ITPR3: variants seen among roughly 807,000 people sequenced by gnomAD.
The protein encoded by ITPR3 is inositol 1,4,5-trisphosphate-gated calcium channel ITPR3.
Under a neutral mutation model 293.2 loss-of-function variants are expected in ITPR3, and 173 were observed. The ratio of observed to expected loss-of-function variants is 0.59; its 90% CI spans 0.52 to 0.67. The LOEUF (loss-of-function observed/expected upper bound fraction) is 0.67. Among genes scored for constraint, ITPR3 ranks in the 30% least tolerant of loss-of-function variants. The probability of loss-of-function intolerance (pLI) is 0.00; values close to 1 mark genes in which losing one functional copy is unlikely to be tolerated. For synonymous variants in ITPR3, 1,295 were observed against 1,444.4 expected (o/e 0.90, Z 2.35); for missense variants, 2,796 against 3,592.1 (o/e 0.78, Z 5.66).
chr6:33,694,689 GCTGCCTAACGGA>G, intron 56 of ITPR3: 5 of 544,790 alleles, frequency 9.2e-6, no homozygotes, highest in Admixed American at 3.2e-5. Context: ...AGCTGCCGAC[GCTGCCTAACGGA>G]AGTCAGCCTG....
Position 33,623,971 on chromosome 6 carries a change from A to T in ITPR3, c.89+2280A>T, listed in dbSNP as rs112596729. 8.5e-3 allele frequency among the ~76,000 whole-genome samples: 1,301 copies of T among 152,310 alleles called. 20 individuals carry two copies. The highest frequency in any genetic ancestry group is 0.028 in the African/African-American group (1,157 of 41,564). ...GGCTTTTTCACCTTCCCATACCTGGAACTCCAGGTGCACCACACGACTGCA... is the reference window on the plus strand; with the variant it reads ...GGCTTTTTCACCTTCCCATACCTGGTACTCCAGGTGCACCACACGACTGCA... On this transcript the variant is annotated intron_variant, in intron 1 of 57. Transcript: ENST00000605930.
At chr6:33,657,809 G>C in intron 3 of ITPR3, 123 bp from the exon 4 acceptor site, 2 of 746,636 alleles carry the variant, frequency 2.7e-6, no homozygotes, top group South Asian at 3.1e-5. Context: ...CTGGAGTCCA[G>C]GGTGACTGTG....
chr6:33,632,653 G>A lies in ITPR3; in HGVS notation c.90-7831G>A, dbSNP rs564781628. Among the ~76,000 whole-genome samples, 14 of 152,374 alleles carry A rather than the reference G, an allele frequency of 9.2e-5. No homozygotes were observed. In the South Asian group the frequency reaches 2.7e-3, roughly 29 times the overall value. On this transcript the variant is annotated intron_variant, in intron 1 of 57. Transcript: ENST00000605930. The surrounding 1 kb of genome is among the most constrained non-coding windows in gnomAD (Gnocchi z 4.1). Reference sequence around the variant, plus strand: ...CCCAGAACAGCCCTGCCTGCCCACAGGCCTCCAGCCAGGACCCTTTCCCTG... The same window carrying A: ...CCCAGAACAGCCCTGCCTGCCCACAAGCCTCCAGCCAGGACCCTTTCCCTG...
At chr6:33,649,333 C>T (rs1431185616) in intron 2 of ITPR3, among the ~76,000 whole-genome samples, 1 of 152,222 alleles carries the variant, frequency 6.6e-6, no homozygotes, top group African/African-American at 2.4e-5. Flanking sequence ...TCAAGCGATT[C>T]TCCTGTCTCA....
chr6:33,653,868 G>A (rs1178494769), intron 2 of ITPR3, among the ~76,000 whole-genome samples: 3 of 152,114 alleles, frequency 2.0e-5, no homozygotes, highest in Admixed American at 2.0e-4. Flanking sequence ...CTCTAACAAG[G>A]CACTGAGATC....
At chr6:33,694,010 C>T (rs141920737) in intron 56 of ITPR3, among the ~76,000 whole-genome samples, 1 of 152,330 alleles carries the variant, frequency 6.6e-6, no homozygotes, top group Non-Finnish European at 1.5e-5. Flanking sequence ...CAAACCCATG[C>T]GCCCCGAAGA....
At position 33,687,266 on chromosome 6, in the gene ITPR3, G is replaced by T. The variant is rs749627168; in HGVS notation, c.6116G>T (p.Arg2039Leu). ...AAGGCCTACCTGCAGGAGGAAGAGCGTGAGAACTCGGAGGTGAGCCCACGT... is the reference window on the plus strand; with the variant it reads ...AAGGCCTACCTGCAGGAGGAAGAGCTTGAGAACTCGGAGGTGAGCCCACGT... Reference protein sequence around the residue: ...IKKAYLQEEERENSEVSPREV... With the variant: ...IKKAYLQEEELENSEVSPREV... Residue 2039 changes from arginine to leucine, a missense_variant, in exon 45 of 58, where the codon CGT (arginine) becomes CTT (leucine). Coordinates refer to ENST00000605930, the MANE Select transcript of ITPR3 (RefSeq NM_002224.4). The surrounding 1 kb of genome is among the most constrained non-coding windows in gnomAD (Gnocchi z 5.3). The T allele has an allele frequency of 2.5e-6, 4 of 1,613,760 alleles. No homozygotes were observed. Among genetic ancestry groups the T allele is most frequent in the East Asian group, 2.2e-5 (1 of 44,878 alleles).
At chr6:33,644,662 G>GT (rs61492756) in intron 2 of ITPR3, among the ~76,000 whole-genome samples, 22,075 of 124,148 alleles carry the variant, frequency 0.18, 2,449 homozygotes, top group South Asian at 0.24. Context: ...CACAATATAG[G>GT]TTTTTTTTTT....
Position 33,667,845 on chromosome 6 carries a change from C to T in ITPR3, c.1767C>T (p.Ile589=). ...TGCAGTCCCAGATTGGCTACGACAT[C>T]CTGGCCGAGGACACCATCACTGCCC... The part of the protein sequence containing the change: ...GMMQSQIGYD[I]LAEDTITALL... Residue 589 remains isoleucine, a synonymous_variant, in exon 16 of 58, where the codon ATC becomes ATT. Transcript: ENST00000605930. The surrounding 1 kb of genome is among the most constrained non-coding windows in gnomAD (Gnocchi z 4.4). 1 of 1,614,188 alleles carries T rather than the reference C, an allele frequency of 6.2e-7. No individual in the cohort carries two copies. Among genetic ancestry groups the T allele is most frequent in the Non-Finnish European group, 8.5e-7 (1 of 1,180,020 alleles).
chr6:33,680,490 A>C, intron 32 of ITPR3, 36 bp downstream of exon 32: 1 of 1,611,526 alleles, frequency 6.2e-7, no homozygotes, highest in Non-Finnish European at 8.5e-7. Context: ...GAAGCCCCCC[A>C]GGAGGTGTGG....
chr6:33,672,062 G>A lies in ITPR3; in HGVS notation c.2762G>A (p.Gly921Glu). ...KNVRRSIQGV[G>E]HMMSTMVLSR... ...GTGCGGCGGTCCATCCAGGGCGTGG[G>A]GCACATGATGTCCACCATGGTGCTG... The change falls in exon 22 of 58, where the codon GGG becomes GAG. Residue 921 changes from glycine (G) to glutamate (E), a missense_variant. Gly to Glu is a moderately conservative substitution (Grantham distance 98). This residue lies in a region of ITPR3 where 955 missense variants were observed against 1,180.8 expected (regional missense o/e 0.81). Transcript: ENST00000605930. This position sits in a 1 kb window ranked among gnomAD's most constrained non-coding sequence, Gnocchi z 5.0. The A allele has an allele frequency of 6.2e-7, 1 of 1,612,446 alleles. No individual in the cohort carries two copies. The highest frequency in any genetic ancestry group is 8.5e-7 in the Non-Finnish European group (1 of 1,179,088).
chr6:33,647,934 G>A (rs2127244321), intron 2 of ITPR3, among the ~76,000 whole-genome samples: 1 of 152,116 alleles, frequency 6.6e-6, no homozygotes, highest in East Asian at 1.9e-4. Context: ...CTTGCCCCCC[G>A]CTGCCGTTGT....
At position 33,689,230 on chromosome 6, in the gene ITPR3, GC is replaced by G; in HGVS notation, c.6695-3del. ...GGGAGCCCTGCTCACCCTGCCCCTGGCCCCCAGGCGTGCTGGACTCCCCTCT... is the reference window on the plus strand; with the variant it reads ...GGGAGCCCTGCTCACCCTGCCCCTGGCCCCAGGCGTGCTGGACTCCCCTCT... On this transcript the variant is annotated splice_polypyrimidine_tract_variant and splice_region_variant and intron_variant, in intron 49 of 57. Transcript: ENST00000605930. 6.2e-7 allele frequency: 1 copy of G among 1,607,508 alleles called. No homozygotes were observed.
chr6:33,644,662 G>GTTTTT (rs61492756), intron 2 of ITPR3, among the ~76,000 whole-genome samples: 2 of 124,372 alleles, frequency 1.6e-5, no homozygotes, highest in Non-Finnish European at 3.3e-5. Flanking sequence ...CACAATATAG[G>GTTTTT]TTTTTTTTTT....
rs147672663 is a variant in ITPR3 at position 33,638,437 on chromosome 6, G to A, written c.90-2047G>A. 2.0e-5 allele frequency among the ~76,000 whole-genome samples: 3 copies of A among 152,172 alleles called. No individual in the cohort carries two copies. The highest frequency in any genetic ancestry group is 6.5e-5 in the Admixed American group (1 of 15,272). ...CCCTCAAATTACACGGTTATTCCCC[G>A]GCAGCCCCATCCTCAGGGGCTTTCC... On this transcript the variant is annotated intron_variant, in intron 1 of 57. Transcript: ENST00000605930. This position sits in a 1 kb window ranked among gnomAD's most constrained non-coding sequence, Gnocchi z 4.3.
chr6:33,685,514 A>G lies in ITPR3; in HGVS notation c.5463A>G (p.Pro1821=). 6 of 1,613,526 alleles carry G rather than the reference A, an allele frequency of 3.7e-6. No individual in the cohort carries two copies. Among genetic ancestry groups the G allele is most frequent in the Non-Finnish European group, 5.1e-6 (6 of 1,179,650 alleles). ...LGSQPHEDRE[P]VDPTTKGRVA... ...GCCAGCCACATGAGGACCGCGAGCC[A>G]GTCGACCCCACCACCAAAGGTCAGG... The change falls in exon 40 of 58, where the codon CCA becomes CCG. Residue 1821 remains proline, a synonymous_variant. Coordinates refer to ENST00000605930, the MANE Select transcript of ITPR3 (RefSeq NM_002224.4).
At position 33,670,943 on chromosome 6, in the gene ITPR3, T is replaced by G. The variant is rs1749822092; in HGVS notation, c.2586+128T>G. 2.2e-6 allele frequency: 3 copies of G among 1,350,664 alleles called. No individual in the cohort carries two copies. The highest frequency in any genetic ancestry group is 3.0e-6 in the Non-Finnish European group (3 of 985,248). 83.7% of individuals were successfully genotyped at this position (1,350,664 alleles called of 1,614,324 possible). On this transcript the variant is annotated intron_variant, in intron 20 of 57. Coordinates refer to ENST00000605930, the MANE Select transcript of ITPR3 (RefSeq NM_002224.4). This position sits in a 1 kb window ranked among gnomAD's most constrained non-coding sequence, Gnocchi z 6.7. Reference sequence around the variant, plus strand: ...CACTTCCTTCTGTGTCCCCAGCCAGTGCAGGGGGACCGCATAGAAGGCTGG... The same window carrying G: ...CACTTCCTTCTGTGTCCCCAGCCAGGGCAGGGGGACCGCATAGAAGGCTGG...
In ITPR3 at chr6:33,685,740, C is replaced by T; in HGVS notation, c.5580C>T (p.Ser1860=). ...RGHEVSERVQ[S]SEMGTSVLIM... ...ACGAGGTGAGCGAACGTGTGCAGAG[C>T]AGTGAGATGGGCACATCCGTGCTCA... is the stretch of plus-strand genomic sequence containing the variant. The change falls in exon 41 of 58, where the codon AGC becomes AGT. Residue 1860 remains serine, a synonymous_variant. Transcript: ENST00000605930. 6.2e-7 allele frequency: 1 copy of T among 1,608,836 alleles called. No homozygotes were observed. The highest frequency in any genetic ancestry group is 8.5e-7 in the Non-Finnish European group (1 of 1,176,592).
Position 33,692,904 on chromosome 6 carries a change from C to T in ITPR3, c.7624+11C>T. 6.2e-7 allele frequency: 1 copy of T among 1,613,572 alleles called. No homozygotes were observed. Among genetic ancestry groups the T allele is most frequent in the Non-Finnish European group, 8.5e-7 (1 of 1,179,646 alleles). On this transcript the variant is annotated intron_variant, in intron 55 of 57. Coordinates refer to ENST00000605930, the MANE Select transcript of ITPR3 (RefSeq NM_002224.4). This position sits in a 1 kb window ranked among gnomAD's most constrained non-coding sequence, Gnocchi z 4.2. ...CATGCTTCATCTGTGGTGAGGGCTG[C>T]TTCCTGCTCTGTGGAGGCCGCAGCG...
Sources: gnomAD v4.1 joint callset for allele counts (sites outside exome capture counted in the v4.1 genomes callset) on GRCh38, gnomAD v4.1.1 for gene constraint, gnomAD v4.1.1 regional missense constraint, Gnocchi (gnomAD v3.1) non-coding constraint, MANE v1.5 for transcripts, NCBI Gene and HGNC (gene_info 2026-07-23, HGNC 2026-07-21) for gene names.